Variants in AKT2 observed in about 807,000 individuals in gnomAD.
AKT2 encodes the protein AKT serine/threonine kinase 2, also known as RAC-beta serine/threonine-protein kinase.
AKT2 carries 16 observed loss-of-function variants against 58.6 expected under a neutral mutation model. The ratio of observed to expected loss-of-function variants is 0.27; its 90% CI spans 0.18 to 0.41. AKT2 has a LOEUF of 0.41. AKT2 is among the 10% of genes least tolerant of loss of function. The pLI is 1.00. For synonymous variants in AKT2, 253 were observed against 254.0 expected (o/e 1.00, Z 0.04); for missense variants, 438 against 661.0 (o/e 0.66, Z 3.70).
intron 1 of AKT2, chr19:40,273,559 C>T (rs1159914854): frequency 6.7e-6 from 1 of 149,770 alleles, no homozygotes; most frequent in Non-Finnish European, 1.5e-5. Flanking sequence ...CTTTTAAACA[C>T]ACTCCCTACA....
At chr19:40,239,043 GCC>G in intron 7 of AKT2, 70 bp from the exon 8 acceptor site, 1 of 1,518,484 alleles carries the variant, frequency 6.6e-7, no homozygotes, top group South Asian at 1.1e-5. Context: ...CCAGGGCAGG[GCC>G]CTGGCCCTGC....
intron 2 of AKT2, among the ~76,000 whole-genome samples, chr19:40,263,783 C>A (rs1055161335): frequency 2.0e-5 from 3 of 152,194 alleles, no homozygotes; most frequent in African/African-American, 7.2e-5. Flanking sequence ...CTTCCCGATG[C>A]CTGCAGCGCC....
chr19:40,238,620 C>A lies in AKT2; in HGVS notation c.708+285G>T, dbSNP rs988265022. Among the ~76,000 whole-genome samples, 3 of 152,160 alleles carry A rather than the reference C, an allele frequency of 2.0e-5. No individual in the cohort carries two copies. Among genetic ancestry groups the A allele is most frequent in the Non-Finnish European group, 2.9e-5 (2 of 68,032 alleles). ...CTCTGGGGCCTTTAAGACCATCCTT[C>A]CCAGTGCTATCGCCCCACAGCCCTC... On this transcript the variant is annotated intron_variant, in intron 8 of 13. Transcript: ENST00000392038. The surrounding 1 kb of genome is among the most constrained non-coding windows in gnomAD (Gnocchi z 5.1).
At chr19:40,261,655 ACG>A (rs1477740166) in intron 2 of AKT2, among the ~76,000 whole-genome samples, 2 of 152,128 alleles carry the variant, frequency 1.3e-5, no homozygotes, top group Non-Finnish European at 2.9e-5. Flanking sequence ...TACCTCCAGA[ACG>A]GTAAGAAATA....
intron 1 of AKT2, among the ~76,000 whole-genome samples, chr19:40,276,211 A>G (rs547408748): frequency 1.3e-5 from 2 of 151,892 alleles, no homozygotes; most frequent in African/African-American, 4.8e-5. Context: ...ACCCCAACGC[A>G]GCTTACCTGG....
intron 9 of AKT2, chr19:40,236,738 A>G (rs1974057144): frequency 5.8e-6 from 2 of 345,418 alleles, no homozygotes; most frequent in Non-Finnish European, 1.1e-5. Flanking sequence ...ATTATGAAAT[A>G]TGCAGCCAGG....
intron 2 of AKT2, among the ~76,000 whole-genome samples, chr19:40,259,405 C>T (rs764928718): frequency 5.3e-5 from 8 of 152,064 alleles, no homozygotes; most frequent in Non-Finnish European, 1.0e-4. Context: ...TTGTGATATC[C>T]TACTTCACAC....
rs572220861 is a variant in AKT2, at chr19:40,234,904, G to T, written c.1366+141C>A. On this transcript the variant is annotated intron_variant, in intron 13 of 13. Coordinates refer to ENST00000392038, the MANE Select transcript of AKT2 (RefSeq NM_001626.6). The surrounding 1 kb of genome is among the most constrained non-coding windows in gnomAD (Gnocchi z 4.7). ...GTCCAAAGAGGACCAACAGCAAAAG[G>T]GCCTGAGAGCAGACTTGGGGAAATC... The T allele has an allele frequency of 1.2e-6, 1 of 817,332 alleles. No individual in the cohort carries two copies. The highest frequency in any genetic ancestry group is 1.7e-5 in the African/African-American group (1 of 59,368). 50.6% of individuals were successfully genotyped at this position (817,332 alleles called of 1,614,324 possible). A position where few individuals can be genotyped will look rare whatever the true frequency, so the allele number is the denominator to read the frequency against.
intron 2 of AKT2, among the ~76,000 whole-genome samples, chr19:40,258,226 A>G (rs1166304100): frequency 6.7e-6 from 1 of 149,722 alleles, no homozygotes; most frequent in African/African-American, 2.5e-5. Context: ...CCTGGGCAAC[A>G]AGAGCGAAAC....
rs1974487283 is a variant in AKT2, at chr19:40,242,645, G to C, written c.330C>G (p.Leu110=). ...GGTCCTCGCCTGGGGCCCGCTGCTT[G>C]AGGCTGTTGGCGACCATCTGGATGG... ...MRAIQMVANS[L]KQRAPGEDPM... Residue 110 remains leucine, a synonymous_variant, in exon 5 of 14, where the codon CTC becomes CTG. Transcript: ENST00000392038. The surrounding 1 kb of genome is among the most constrained non-coding windows in gnomAD (Gnocchi z 4.3). 2 of 1,612,972 alleles carry C rather than the reference G, an allele frequency of 1.2e-6. No homozygotes were observed. The highest frequency in any genetic ancestry group is 2.7e-5 in the African/African-American group (2 of 74,908).
intron 1 of AKT2, among the ~76,000 whole-genome samples, chr19:40,279,832 C>T (rs2077392630): frequency 6.6e-6 from 1 of 152,086 alleles, no homozygotes; most frequent in African/African-American, 2.4e-5. Flanking sequence ...GCACAAGCTA[C>T]AGAGGCTCTC....
intron 1 of AKT2, chr19:40,279,243 C>G (rs2077380035): frequency 6.6e-6 from 1 of 152,446 alleles, no homozygotes; most frequent in Non-Finnish European, 1.5e-5. Context: ...GTCAGAGCAC[C>G]TGGGCCCTGC....
At position 40,254,298 on chromosome 19, in the gene AKT2, G is replaced by A. The variant is rs767473970; in HGVS notation, c.287+860C>T. Among the ~76,000 whole-genome samples, 7 of 152,170 alleles carry A rather than the reference G, an allele frequency of 4.6e-5. No individual in the cohort carries two copies. The South Asian group carries it at 6.2e-4, about 14-fold the overall frequency. On this transcript the variant is annotated intron_variant, in intron 4 of 13. Transcript: ENST00000392038. ...CTGTAATCTCAGCACTTTGGAGGCC[G>A]AGGGAGATCACCTAAGGCCAAAAGT...
At chr19:40,240,589 G>A (rs779556021) in intron 6 of AKT2, among the ~76,000 whole-genome samples, 4 of 152,156 alleles carry the variant, frequency 2.6e-5, no homozygotes, top group Admixed American at 6.5e-5. Flanking sequence ...TCAGAAACTC[G>A]GGGTGGGCCC....
chr19:40,270,768 T>C (rs1266045401), intron 1 of AKT2: 1 of 152,170 alleles, frequency 6.6e-6, no homozygotes, highest in Non-Finnish European at 1.5e-5. Context: ...ATCCCAGCAC[T>C]TTGGAAGGCT....
chr19:40,263,437 T>C (rs1013441102), intron 2 of AKT2, among the ~76,000 whole-genome samples: 20 of 152,226 alleles, frequency 1.3e-4, no homozygotes, highest in Non-Finnish European at 2.8e-4. Flanking sequence ...ACATCAGAGA[T>C]CTGGCTTGTT....
rs930709535 is a variant in AKT2, at chr19:40,231,686, C to A, written c.*2186G>T. The A allele has an allele frequency of 8.6e-6, 2 of 233,386 alleles. No homozygotes were observed. The highest frequency in any genetic ancestry group is 1.7e-5 in the Non-Finnish European group (2 of 118,208). The allele number at this position is 233,386 out of a possible 1,614,324, so 14.5% of individuals were successfully genotyped here. A position where few individuals can be genotyped will look rare whatever the true frequency, so the allele number is the denominator to read the frequency against. On this transcript the variant is annotated 3_prime_UTR_variant, in exon 14 of 14. Coordinates refer to ENST00000392038, the MANE Select transcript of AKT2 (RefSeq NM_001626.6). Reference sequence around the variant, plus strand: ...GGGGAGGTGTTCCATCCGGCCAGCGCCCGGCCATGCAGCCACGTGACTCAA... The same window carrying A: ...GGGGAGGTGTTCCATCCGGCCAGCGACCGGCCATGCAGCCACGTGACTCAA...
At chr19:40,273,762 A>C (rs529270964) in intron 1 of AKT2, 1 of 152,208 alleles carries the variant, frequency 6.6e-6, no homozygotes, top group African/African-American at 2.4e-5. Context: ...CAAATATTCT[A>C]GTCTGCTTGG....
In AKT2 at chr19:40,231,713, C is replaced by T. The variant is rs1973710748; in HGVS notation, c.*2159G>A. 1 of 233,484 alleles carries T rather than the reference C, an allele frequency of 4.3e-6. No homozygotes were observed. Among genetic ancestry groups the T allele is most frequent in the Admixed American group, 5.6e-5 (1 of 17,812 alleles). The allele number at this position is 233,484 out of a possible 1,614,324, so 14.5% of individuals were successfully genotyped here. On this transcript the variant is annotated 3_prime_UTR_variant, in exon 14 of 14. Coordinates refer to ENST00000392038, the MANE Select transcript of AKT2 (RefSeq NM_001626.6). ...CGGCCATGCAGCCACGTGACTCAAGCACGGGAAGTGCAGGGGCCCAGACAC... is the reference window on the plus strand; with the variant it reads ...CGGCCATGCAGCCACGTGACTCAAGTACGGGAAGTGCAGGGGCCCAGACAC...
Sources: gnomAD v4.1 joint callset for allele counts (sites outside exome capture counted in the v4.1 genomes callset) on GRCh38, gnomAD v4.1.1 for gene constraint, Gnocchi (gnomAD v3.1) non-coding constraint, MANE v1.5 for transcripts, NCBI Gene and HGNC (gene_info 2026-07-23, HGNC 2026-07-21) for gene names.